Variants in GRM7 observed in about 807,000 individuals in gnomAD.
The protein encoded by GRM7 is glutamate metabotropic receptor 7.
In GRM7, 35 loss-of-function variants were observed where a neutral mutation model predicts 84.5. The ratio of observed to expected loss-of-function variants is 0.41; its 90% confidence interval spans 0.32 to 0.55. The LOEUF is 0.55. Among genes scored for constraint, GRM7 ranks in the 20% least tolerant of loss-of-function variants. The pLI, the probability that GRM7 is intolerant of heterozygous loss-of-function variation, is 0.19. For missense variants in GRM7, 1,003 were observed against 1,194.6 expected (o/e 0.84, Z 2.36); for synonymous variants, 487 against 455.1 (o/e 1.07, Z -0.89).
intron 8 of GRM7, among the ~76,000 whole-genome samples, chr3:7,623,313 C>G (rs1697448798): frequency 6.6e-6 from 1 of 152,124 alleles, no homozygotes; most frequent in South Asian, 2.1e-4. Context: ...ACTGCTGGTC[C>G]TCATAAGTAG....
At chr3:6,978,684 A>G (rs1172402642) in intron 1 of GRM7, among the ~76,000 whole-genome samples, 3 of 152,112 alleles carry the variant, frequency 2.0e-5, no homozygotes, top group Admixed American at 1.3e-4. Flanking sequence ...ACTTATCTAC[A>G]TTATTTCTAC....
intron 1 of GRM7, among the ~76,000 whole-genome samples, chr3:6,873,158 A>G (rs1432614988): frequency 1.3e-5 from 2 of 151,852 alleles, no homozygotes; most frequent in African/African-American, 4.8e-5. Flanking sequence ...TGCAACTTCC[A>G]CCTCCCAGGT....
At chr3:7,731,563 G>C (rs1702332064) in intron 9 of GRM7, among the ~76,000 whole-genome samples, 1 of 152,144 alleles carries the variant, frequency 6.6e-6, no homozygotes, top group Non-Finnish European at 1.5e-5. Flanking sequence ...AATGATAATA[G>C]GCCTTGCCCA....
intron 1 of GRM7, among the ~76,000 whole-genome samples, chr3:7,035,856 C>G (rs538178635): frequency 6.6e-6 from 1 of 152,254 alleles, no homozygotes; most frequent in Non-Finnish European, 1.5e-5. Context: ...ACTTTTAGCA[C>G]AGCCAAGACA....
chr3:7,348,033 A>C (rs565765770), intron 4 of GRM7, among the ~76,000 whole-genome samples: 80 of 152,302 alleles, frequency 5.3e-4, no homozygotes, highest in African/African-American at 1.7e-3. Flanking sequence ...CACTTAGCAG[A>C]TGACTCATCC....
intron 1 of GRM7, among the ~76,000 whole-genome samples, chr3:7,004,260 G>A (rs1486566343): frequency 6.6e-6 from 1 of 152,084 alleles, no homozygotes; most frequent in African/African-American, 2.4e-5. Context: ...TTAGAGGCTG[G>A]CAACCATAGT....
At chr3:6,921,819 C>G (rs948890090) in intron 1 of GRM7, among the ~76,000 whole-genome samples, 1 of 152,112 alleles carries the variant, frequency 6.6e-6, no homozygotes, top group Non-Finnish European at 1.5e-5. Flanking sequence ...TGGCTTCTCT[C>G]TCTCTCCTCT....
At chr3:7,473,499 A>G (rs1022712820) in intron 7 of GRM7, among the ~76,000 whole-genome samples, 1 of 132,758 alleles carries the variant, frequency 7.5e-6, no homozygotes, top group African/African-American at 3.4e-5. Context: ...GGAGAGAGAG[A>G]GAGAGAGAGA....
intron 2 of GRM7, among the ~76,000 whole-genome samples, chr3:7,190,497 G>A (rs1695674656): frequency 6.6e-6 from 1 of 152,002 alleles, no homozygotes; most frequent in African/African-American, 2.4e-5. Context: ...TCCTCTGTTT[G>A]CCTGAATTTG....
chr3:7,608,003 A>G, intron 8 of GRM7: 1 of 308,970 alleles, frequency 3.2e-6, no homozygotes, highest in Non-Finnish European at 6.8e-6. Context: ...CTGTTTCAGC[A>G]TCAGTTTGCT....
rs567184469 is a variant in GRM7 at position 6,950,442 on chromosome 3, C to T, written c.519+88535C>T. 1.5e-4 allele frequency among the ~76,000 whole-genome samples: 23 copies of T among 152,224 alleles called. 1 individual carries two copies. The highest frequency in any genetic ancestry group is 8.5e-4 in the Admixed American group (13 of 15,302). ...ATTTTGTCTCAGAGGAGTACCCGGC[C>T]GTGTGAGGTGTCAGTACGCCCCTAC... On this transcript the variant is annotated intron_variant, in intron 1 of 9. Transcript: ENST00000357716.
intron 4 of GRM7, among the ~76,000 whole-genome samples, chr3:7,325,528 C>A (rs754624187): frequency 5.9e-5 from 9 of 152,112 alleles, no homozygotes. Flanking sequence ...ACTTTGAGAA[C>A]CTCTGCTTTG....
intron 1 of GRM7, among the ~76,000 whole-genome samples, chr3:7,143,361 C>G (rs1444815050): frequency 1.3e-5 from 2 of 152,104 alleles, no homozygotes; most frequent in Non-Finnish European, 2.9e-5. Context: ...AAGGGATATC[C>G]TTATAAAGCC....
At chr3:7,286,820 G>T (rs1019244774) in intron 2 of GRM7, among the ~76,000 whole-genome samples, 1 of 152,144 alleles carries the variant, frequency 6.6e-6, no homozygotes, top group African/African-American at 2.4e-5. Flanking sequence ...AGTACACTCT[G>T]TTTTGGAGAA....
At chr3:6,945,233 C>A (rs931546097) in intron 1 of GRM7, among the ~76,000 whole-genome samples, 3 of 139,442 alleles carry the variant, frequency 2.2e-5, no homozygotes, top group African/African-American at 8.0e-5. Flanking sequence ...CCACAACAGT[C>A]CCCAGTGTGT....
chr3:7,227,697 A>T (rs575151849), intron 2 of GRM7, among the ~76,000 whole-genome samples: 19 of 152,310 alleles, frequency 1.2e-4, no homozygotes, highest in African/African-American at 4.6e-4. Flanking sequence ...ATTTACAGCT[A>T]TTCTTTTAAA....
chr3:6,936,382 G>C (rs1480282940), intron 1 of GRM7, among the ~76,000 whole-genome samples: 3 of 152,126 alleles, frequency 2.0e-5, no homozygotes, highest in Admixed American at 6.5e-5. Context: ...GATCCCAGTT[G>C]TACCGGTGTG....
intron 7 of GRM7, among the ~76,000 whole-genome samples, chr3:7,562,440 G>A (rs755178249): frequency 1.1e-4 from 16 of 151,734 alleles, no homozygotes; most frequent in Non-Finnish European, 4.4e-5. Context: ...TGGTTTTTCT[G>A]TAACTCCATT....
chr3:6,910,143 ATTAATAT>A, intron 1 of GRM7, among the ~76,000 whole-genome samples: 1 of 152,266 alleles, frequency 6.6e-6, no homozygotes. Flanking sequence ...GTATGTGAAA[ATTAATAT>A]TTAGTAGATA....
Sources: gnomAD v4.1 joint callset for allele counts (sites outside exome capture counted in the v4.1 genomes callset) on GRCh38, gnomAD v4.1.1 for gene constraint, MANE v1.5 for transcripts, NCBI Gene and HGNC (gene_info 2026-07-23, HGNC 2026-07-21) for gene names.